Variants in OAS2 observed in about 807,000 individuals in gnomAD.
OAS2 encodes the protein 2'-5'-oligoadenylate synthase 2.
Under a neutral mutation model 71.3 loss-of-function variants are expected in OAS2, and 67 were observed. The observed-to-expected ratio is 0.94, with a 90% CI of 0.77 to 1.15. OAS2 has a LOEUF of 1.15. Among genes scored for constraint, OAS2 ranks in the 50% most tolerant of loss-of-function variants. The probability of loss-of-function intolerance (pLI) is 0.00; values close to 1 mark genes in which losing one functional copy is unlikely to be tolerated. For synonymous variants in OAS2, 327 were observed against 321.8 expected, an observed-to-expected ratio of 1.02 and a Z score of -0.17; for missense variants, 789 against 822.5, an observed-to-expected ratio of 0.96 and a Z score of 0.50.
chr12:113,001,115 G>A (rs1024040451), intron 5 of OAS2, among the ~76,000 whole-genome samples: 5 of 151,976 alleles, frequency 3.3e-5, no homozygotes, highest in African/African-American at 4.8e-5. Context: ...AGGCTGAGGC[G>A]GGAGGATCAC....
chr12:113,000,530 ACT>A (rs1389273498), intron 5 of OAS2, among the ~76,000 whole-genome samples: 11 of 93,080 alleles, frequency 1.2e-4, no homozygotes, highest in Non-Finnish European at 1.5e-4. Context: ...GCACACACAC[ACT>A]CACACATGCA....
chr12:112,988,714 T>C, intron 2 of OAS2: 1 of 985,424 alleles, frequency 1.0e-6, no homozygotes, highest in Non-Finnish European at 1.2e-6. Flanking sequence ...ACGAAGACAC[T>C]AACAAAGAAT....
At chr12:113,002,844 G>A in intron 5 of OAS2, 88 bp from the exon 6 acceptor site, 1 of 1,209,170 alleles carries the variant, frequency 8.3e-7, no homozygotes, top group Non-Finnish European at 1.2e-6. Context: ...GGGAGAGGCA[G>A]GGTAGGGGGC....
At chr12:112,988,850 C>A in intron 2 of OAS2, 1 of 508,422 alleles carries the variant, frequency 2.0e-6, no homozygotes, top group African/African-American at 2.1e-5. Context: ...ATCCAAGAAC[C>A]CTCTCTTGGG....
intron 7 of OAS2, among the ~76,000 whole-genome samples, chr12:113,005,918 CA>C (rs138299398): frequency 0.29 from 13,844 of 48,058 alleles, 1,072 homozygotes; most frequent in Non-Finnish European, 0.33. Context: ...ACAACAACAA[CA>C]AAAAAAAAAA....
At chr12:112,983,301 CT>C in intron 1 of OAS2, among the ~76,000 whole-genome samples, 1 of 152,260 alleles carries the variant, frequency 6.6e-6, no homozygotes, top group South Asian at 2.1e-4. Context: ...TCTCAGCTCA[CT>C]GCAACCTCTG....
At chr12:113,000,704 A>C (rs1399991746) in intron 5 of OAS2, among the ~76,000 whole-genome samples, 2 of 149,526 alleles carry the variant, frequency 1.3e-5, no homozygotes, top group African/African-American at 5.0e-5. Flanking sequence ...ACATGCATGC[A>C]CACCATGCAC....
intron 2 of OAS2, chr12:112,988,080 C>G: frequency 4.1e-6 from 4 of 985,420 alleles, no homozygotes; most frequent in Non-Finnish European, 4.8e-6. Context: ...AAGCTGACCA[C>G]CAATTATAAT....
chr12:112,991,805 A>G (rs1319467287), intron 2 of OAS2, among the ~76,000 whole-genome samples: 1 of 152,190 alleles, frequency 6.6e-6, no homozygotes, highest in Non-Finnish European at 1.5e-5. Flanking sequence ...TATGGAAATA[A>G]TGTATTTAGC....
chr12:112,990,249 G>T (rs11614518), intron 2 of OAS2, among the ~76,000 whole-genome samples: 2 of 152,188 alleles, frequency 1.3e-5, no homozygotes, highest in Non-Finnish European at 2.9e-5. Context: ...CAGGTGATTA[G>T]GTTACAGCTT....
At chr12:113,005,581 A>T (rs1224627996) in intron 7 of OAS2, among the ~76,000 whole-genome samples, 1 of 151,450 alleles carries the variant, frequency 6.6e-6, no homozygotes, top group Non-Finnish European at 1.5e-5. Context: ...CAAAACAAGC[A>T]GTTGGGCTGG....
intron 5 of OAS2, among the ~76,000 whole-genome samples, chr12:113,002,167 GTACCTCCTT>G (rs2044296063): frequency 6.6e-6 from 1 of 152,098 alleles, no homozygotes; most frequent in South Asian, 2.1e-4. Flanking sequence ...CCCCACACAT[GTACCTCCTT>G]GAACCTAAAG....
At chr12:112,995,065 T>C (rs2044222278) in intron 2 of OAS2, among the ~76,000 whole-genome samples, 1 of 152,270 alleles carries the variant, frequency 6.6e-6, no homozygotes. Context: ...TGATCTTGTC[T>C]TGGGTTAACA....
intron 8 of OAS2, 63 bp from the exon 9 acceptor site, chr12:113,007,642 C>A: frequency 7.4e-7 from 1 of 1,355,070 alleles, no homozygotes; most frequent in Non-Finnish European, 1.0e-6. Flanking sequence ...GCTGTGGTCC[C>A]TGTGCGGCTC....
intron 4 of OAS2, 107 bp from the exon 5 acceptor site, chr12:112,998,159 T>A (rs543714109): frequency 1.8e-4 from 225 of 1,247,292 alleles, no homozygotes; most frequent in Non-Finnish European, 2.3e-4. Context: ...GCTGCAGGAA[T>A]CCAAATTCAA....
intron 6 of OAS2, 27 bp downstream of exon 6, chr12:113,003,129 G>T: frequency 6.2e-7 from 1 of 1,611,560 alleles, no homozygotes. Flanking sequence ...CTCATGTCTT[G>T]TTGGAATGAT....
rs56014124 is a variant in OAS2 at position 113,006,661 on chromosome 12, T to C, written c.1656+61T>C. 6,167 of 1,392,368 alleles carry C rather than the reference T, an allele frequency of 4.4e-3. 196 individuals carry two copies. In the East Asian group the frequency reaches 0.089, roughly 20 times the overall value. The allele number at this position is 1,392,368 out of a possible 1,614,324, so 86.3% of individuals were successfully genotyped here. On this transcript the variant is annotated intron_variant, in intron 8 of 9. Coordinates refer to ENST00000392583, the MANE Select transcript of OAS2 (RefSeq NM_002535.3). ...ATTTTTACCAGTAAGCCATGAACAT[T>C]AAGCCCTGTTGCCCACAATCTCCCA...
chr12:112,998,208 A>G, intron 4 of OAS2, 58 bp from the exon 5 acceptor site: 1 of 1,578,338 alleles, frequency 6.3e-7, no homozygotes, highest in East Asian at 2.3e-5. Flanking sequence ...TCCCCAAAAC[A>G]GATTTTGCCT....
Position 113,009,726 on chromosome 12 carries a change from G to T in OAS2, c.*471G>T. On this transcript the variant is annotated 3_prime_UTR_variant, in exon 10 of 10. Coordinates refer to ENST00000392583, the MANE Select transcript of OAS2 (RefSeq NM_002535.3). ...AGTGATTTTATTAGAAGTTTCATCC[G>T]CAAATTTTCTTCCATTTCATTGCTC... The T allele has an allele frequency of 3.0e-6, 3 of 986,884 alleles. No homozygotes were observed. Among genetic ancestry groups the T allele is most frequent in the Non-Finnish European group, 3.6e-6 (3 of 831,080 alleles). 61.1% of individuals were successfully genotyped at this position (986,884 alleles called of 1,614,324 possible).
Sources: allele counts gnomAD v4.1 joint callset (sites outside exome capture counted in the v4.1 genomes callset), GRCh38; gene constraint gnomAD v4.1.1; transcripts MANE v1.5; gene names NCBI Gene and HGNC (gene_info 2026-07-23, HGNC 2026-07-21).